Variants in PSMB5 observed in about 807,000 individuals in gnomAD.
The protein encoded by PSMB5 is proteasome subunit beta type-5.
A neutral mutation model predicts 22.8 loss-of-function variants in PSMB5; 2 were observed. The ratio of observed to expected loss-of-function variants is 0.09; its 90% CI spans 0.04 to 0.28. The LOEUF is 0.28. Ranked by LOEUF, PSMB5 falls within the 10% of genes least tolerant of loss-of-function variation. PSMB5 has a pLI of 1.00. For missense variants in PSMB5, 269 were observed against 343.8 expected, an observed-to-expected ratio of 0.78 and a Z score of 1.72; for synonymous variants, 133 against 135.3, an observed-to-expected ratio of 0.98 and a Z score of 0.12.
intron 2 of PSMB5, among the ~76,000 whole-genome samples, chr14:23,028,785 T>C (rs2046933554): frequency 6.6e-6 from 1 of 152,218 alleles, no homozygotes; most frequent in Non-Finnish European, 1.5e-5. Context: ...AGCTGACTTT[T>C]GGTACAGATG....
chr14:23,028,663 T>C (rs778693808), intron 2 of PSMB5, among the ~76,000 whole-genome samples: 4 of 152,240 alleles, frequency 2.6e-5, no homozygotes, highest in Non-Finnish European at 5.9e-5. Flanking sequence ...AGCCACTGTT[T>C]CCATACTGTC....
intron 2 of PSMB5, among the ~76,000 whole-genome samples, chr14:23,026,985 T>C (rs1474264108): frequency 2.0e-5 from 3 of 149,760 alleles, no homozygotes; most frequent in African/African-American, 7.4e-5. Context: ...AGGAGGCTGA[T>C]GCAGGAGAAT....
Position 23,026,282 on chromosome 14 carries a change from C to G in PSMB5, c.599G>C (p.Arg200Pro). Reference sequence around the variant, plus strand: ...CACTTCCAGGTCATAGGAATAGCCCCGATCCATGACCCCATATGCATACAC... The same window carrying G: ...CACTTCCAGGTCATAGGAATAGCCCGGATCCATGACCCCATATGCATACAC... ...GSVYAYGVMD[R>P]GYSYDLEVEQ... is the part of the protein sequence containing the mutation. Residue 200 changes from arginine to proline, a missense_variant, in exon 3 of 3, where the codon CGG (arginine) becomes CCG (proline). Transcript: ENST00000361611. The G allele has an allele frequency of 6.2e-7, 1 of 1,614,004 alleles. No individual in the cohort carries two copies. Among genetic ancestry groups the G allele is most frequent in the Non-Finnish European group, 8.5e-7 (1 of 1,180,008 alleles).
chr14:23,029,873 C>G lies in PSMB5; in HGVS notation c.505+3495G>C, dbSNP rs527591546. On this transcript the variant is annotated intron_variant, in intron 2 of 2. Coordinates refer to ENST00000361611, the MANE Select transcript of PSMB5 (RefSeq NM_002797.5). ...CTCAGCTCACTGCAAGCTCCACCTC[C>G]TGGGTTCACGCCATTCTCCTGCCTC... Among the ~76,000 whole-genome samples, 13 of 152,024 alleles carry G rather than the reference C, an allele frequency of 8.6e-5. No individual in the cohort carries two copies. The South Asian group carries it at 2.7e-3, about 32-fold the overall frequency.
chr14:23,033,435 C>G lies in PSMB5; in HGVS notation c.438G>C (p.Val146=). The G allele has an allele frequency of 6.2e-7, 1 of 1,614,072 alleles. No individual in the cohort carries two copies. The highest frequency in any genetic ancestry group is 8.5e-7 in the Non-Finnish European group (1 of 1,180,024). The change falls in exon 2 of 3, where the codon GTG becomes GTC. Residue 146 remains valine (V), a synonymous_variant. Coordinates refer to ENST00000361611, the MANE Select transcript of PSMB5 (RefSeq NM_002797.5). ...ACAGCCCCATGCCTTTGTACTGATA[C>G]ACCATGTTGGCAAGCAGTTTGGAGG... The part of the protein sequence containing the change: ...AAASKLLANM[V]YQYKGMGLSM...
intron 2 of PSMB5, among the ~76,000 whole-genome samples, chr14:23,028,960 G>T (rs1208753258): frequency 2.0e-5 from 3 of 152,144 alleles, no homozygotes; most frequent in African/African-American, 7.2e-5. Context: ...GCTTCCTCCT[G>T]TCTTCTGAAA....
chr14:23,029,163 C>T (rs1338827810), intron 2 of PSMB5, among the ~76,000 whole-genome samples: 3 of 152,122 alleles, frequency 2.0e-5, no homozygotes, highest in Non-Finnish European at 4.4e-5. Context: ...TTAATGCAAG[C>T]CAGCTTGAGC....
intron 2 of PSMB5, chr14:23,027,861 C>A: frequency 6.6e-7 from 1 of 1,506,512 alleles, no homozygotes; most frequent in Non-Finnish European, 9.0e-7. Flanking sequence ...ACATAATCCC[C>A]GGCCAGGCGC....
At chr14:23,030,553 A>G (rs1204937472) in intron 2 of PSMB5, among the ~76,000 whole-genome samples, 11 of 152,112 alleles carry the variant, frequency 7.2e-5, no homozygotes, top group African/African-American at 2.7e-4. Context: ...CCTTTGGTAT[A>G]TGAAGGGGAT....
chr14:23,030,346 G>A (rs1015251649), intron 2 of PSMB5, among the ~76,000 whole-genome samples: 5 of 151,908 alleles, frequency 3.3e-5, no homozygotes, highest in Admixed American at 1.3e-4. Flanking sequence ...AAAATTAGCC[G>A]GGCGTGGTGG....
chr14:23,027,758 C>T (rs2046926273), intron 2 of PSMB5: 3 of 1,546,776 alleles, frequency 1.9e-6, no homozygotes, highest in Non-Finnish European at 1.7e-6. Flanking sequence ...GCCATGTTGC[C>T]GATCCTCTCA....
rs1322303492 is a variant in PSMB5, at chr14:23,026,066, C to G, written c.*23G>C. ...CCAATGACAGTCACCCCAAGAAACACAAGCAGCTGCATCCACCCTCTTTCA... is the reference window on the plus strand; with the variant it reads ...CCAATGACAGTCACCCCAAGAAACAGAAGCAGCTGCATCCACCCTCTTTCA... On this transcript the variant is annotated 3_prime_UTR_variant, in exon 3 of 3. Coordinates refer to ENST00000361611, the MANE Select transcript of PSMB5 (RefSeq NM_002797.5). 36 of 1,610,252 alleles carry G rather than the reference C, an allele frequency of 2.2e-5. No homozygotes were observed. Among genetic ancestry groups the G allele is most frequent in the Non-Finnish European group, 3.0e-5 (35 of 1,177,160 alleles).
At chr14:23,034,240 C>CT (rs1489964295) in intron 1 of PSMB5, among the ~76,000 whole-genome samples, 1 of 152,156 alleles carries the variant, frequency 6.6e-6, no homozygotes, top group African/African-American at 2.4e-5. Context: ...CCCCAAATGT[C>CT]TGATTCTTAG....
intron 2 of PSMB5, among the ~76,000 whole-genome samples, chr14:23,031,207 CTT>C (rs1436481412): frequency 6.6e-6 from 1 of 152,284 alleles, no homozygotes; most frequent in East Asian, 1.9e-4. Flanking sequence ...TCCCTGTACT[CTT>C]TTACACTGTT....
chr14:23,026,641 G>A (rs2046915966), intron 2 of PSMB5, among the ~76,000 whole-genome samples: 1 of 151,208 alleles, frequency 6.6e-6, no homozygotes, highest in Admixed American at 6.6e-5. Context: ...GTAGAGACGG[G>A]GTTTCACCAT....
intron 2 of PSMB5, among the ~76,000 whole-genome samples, chr14:23,027,374 T>TG (rs2046922912): frequency 1.4e-5 from 2 of 139,562 alleles, no homozygotes; most frequent in African/African-American, 5.5e-5. Flanking sequence ...GAGCAAGACT[T>TG]TGTCTCAAAA....
chr14:23,033,146 C>T (rs759131244), intron 2 of PSMB5, among the ~76,000 whole-genome samples: 3 of 148,056 alleles, frequency 2.0e-5, no homozygotes, highest in Non-Finnish European at 3.0e-5. Flanking sequence ...AACCTGGGGG[C>T]GGAGGCTGCA....
Position 23,025,985 on chromosome 14 carries a change from A to G in PSMB5, c.*104T>C, listed in dbSNP as rs2046909216. The stretch of plus-strand genomic sequence containing the variant: ...GAGCTTAAAAAAAAGTACTGATACA[A>G]TTGAAGGCCCTTCCACTATAAATAG... On this transcript the variant is annotated 3_prime_UTR_variant, in exon 3 of 3. Transcript: ENST00000361611. 2 of 1,539,206 alleles carry G rather than the reference A, an allele frequency of 1.3e-6. No homozygotes were observed. The highest frequency in any genetic ancestry group is 2.0e-5 in the Admixed American group (1 of 50,226).
In PSMB5 at chr14:23,033,460, G is replaced by A; in HGVS notation, c.413C>T (p.Ala138Val). 1 of 1,614,078 alleles carries A rather than the reference G, an allele frequency of 6.2e-7. No individual in the cohort carries two copies. Among genetic ancestry groups the A allele is most frequent in the Non-Finnish European group, 8.5e-7 (1 of 1,180,022 alleles). The change falls in exon 2 of 3, where the codon GCC (alanine) becomes GTC (valine). Residue 138 changes from alanine (A) to valine (V), a missense_variant. Coordinates refer to ENST00000361611, the MANE Select transcript of PSMB5 (RefSeq NM_002797.5). ...CACCATGTTGGCAAGCAGTTTGGAG[G>A]CAGCTGCTACAGAGATGCGTTCCTT... ...RNKERISVAA[A>V]SKLLANMVYQ...
Sources: gnomAD v4.1 joint callset for allele counts (sites outside exome capture counted in the v4.1 genomes callset) on GRCh38, gnomAD v4.1.1 for gene constraint, MANE v1.5 for transcripts, NCBI Gene and HGNC (gene_info 2026-07-23, HGNC 2026-07-21) for gene names.